ZNF782: variants seen among roughly 807,000 people sequenced by gnomAD.
ZNF782 encodes zinc finger protein 782.
Under a neutral mutation model 13.0 loss-of-function variants are expected in ZNF782, and 12 were observed. The ratio of observed to expected loss-of-function variants is 0.92; its 90% CI spans 0.59 to 1.50. The LOEUF is 1.50. Among genes scored for constraint, ZNF782 ranks in the 40% most tolerant of loss-of-function variants. The pLI is 0.00. For synonymous variants in ZNF782, 284 were observed against 283.0 expected, an observed-to-expected ratio of 1.00 and a Z score of -0.04; for missense variants, 770 against 822.9, an observed-to-expected ratio of 0.94 and a Z score of 0.79.
intron 1 of ZNF782, among the ~76,000 whole-genome samples, chr9:96,872,419 T>C (rs903461136): frequency 6.6e-6 from 1 of 151,804 alleles, no homozygotes; most frequent in African/African-American, 2.4e-5. Flanking sequence ...TAATCCCAGC[T>C]ACTTTGGAGG....
At chr9:96,863,507 A>G (rs563358628) in intron 1 of ZNF782, among the ~76,000 whole-genome samples, 18 of 152,350 alleles carry the variant, frequency 1.2e-4, no homozygotes, top group African/African-American at 2.6e-4. Context: ...GCAATCTCTC[A>G]CTACTGGGTA....
the ZNF782 span, chr9:96,894,577 T>G: frequency 6.6e-6 from 1 of 152,174 alleles, no homozygotes; most frequent in Non-Finnish European, 1.5e-5. Flanking sequence ...CCAAACTGTA[T>G]TCAGAGTTGA....
chr9:96,931,183 C>A, the ZNF782 span, among the ~76,000 whole-genome samples: 821 of 152,124 alleles, frequency 5.4e-3, 6 homozygotes, highest in South Asian at 7.9e-3. Flanking sequence ...CCAGCATGCC[C>A]GGCCTATCCA....
intron 1 of ZNF782, among the ~76,000 whole-genome samples, chr9:96,853,333 C>G (rs548443790): frequency 6.6e-6 from 1 of 152,300 alleles, no homozygotes; most frequent in Non-Finnish European, 1.5e-5. Context: ...CCATACACAT[C>G]TAGGATCTGC....
At chr9:96,845,893 T>C (rs763585698) in intron 3 of ZNF782, among the ~76,000 whole-genome samples, 3 of 152,194 alleles carry the variant, frequency 2.0e-5, no homozygotes, top group South Asian at 2.1e-4. Context: ...CCAAAGCATA[T>C]AGTCATCAGG....
intron 1 of ZNF782, among the ~76,000 whole-genome samples, chr9:96,871,001 CT>C (rs1851819020): frequency 6.6e-6 from 1 of 152,194 alleles, no homozygotes; most frequent in Non-Finnish European, 1.5e-5. Flanking sequence ...TGATTATCTA[CT>C]TTTATTAGGG....
intron 1 of ZNF782, among the ~76,000 whole-genome samples, chr9:96,869,475 G>A (rs1851799086): frequency 6.6e-6 from 1 of 152,152 alleles, no homozygotes; most frequent in Non-Finnish European, 1.5e-5. Flanking sequence ...CCACAGTGCA[G>A]TGAGTCCCAT....
upstream of ZNF782, among the ~76,000 whole-genome samples, chr9:96,879,839 TC>T (rs1851941044): frequency 6.6e-6 from 1 of 152,258 alleles, no homozygotes. Context: ...CATTCTGTGA[TC>T]TTGCTTAACT....
intron 4 of ZNF782, among the ~76,000 whole-genome samples, chr9:96,829,210 TATAGAG>T (rs1191090551): frequency 1.3e-5 from 2 of 151,736 alleles, no homozygotes; most frequent in Non-Finnish European, 2.9e-5. Context: ...TAAAAAAATT[TATAGAG>T]ATAAAGAGCA....
At chr9:96,858,686 A>G (rs752773462), upstream of ZNF782, among the ~76,000 whole-genome samples, 3 of 152,134 alleles carry the variant, frequency 2.0e-5, no homozygotes, top group Non-Finnish European at 4.4e-5. The surrounding 1 kb of genome is among the most constrained non-coding windows in gnomAD (Gnocchi z 4.4). Flanking sequence ...CGTGACAGGC[A>G]GTGGCGCGAG....
intron 4 of ZNF782, among the ~76,000 whole-genome samples, chr9:96,832,328 A>G (rs893240161): frequency 5.9e-5 from 9 of 152,214 alleles, no homozygotes; most frequent in African/African-American, 9.6e-5. Context: ...TACATTGAGA[A>G]GCACATCAGA....
the ZNF782 span, among the ~76,000 whole-genome samples, chr9:96,880,903 T>G: frequency 6.6e-6 from 1 of 152,176 alleles, no homozygotes; most frequent in African/African-American, 2.4e-5. Context: ...AAGGAAGACA[T>G]CTATGCCTGG....
rs754567352 is a variant in ZNF782 at position 96,819,404 on chromosome 9, T to A, written c.619A>T (p.Thr207Ser). The part of the protein sequence containing the change: ...HHKEEVIQHQ[T>S]IQTLGQDFEY... ...AAATCTTGCCCCAGAGTCTGAATTG[T>A]CTGATGTTGAATAACTTCCTCCTTA... Residue 207 changes from threonine (T) to serine (S), a missense_variant, in exon 6 of 6, where the codon ACA becomes TCA. Transcript: ENST00000481138. 4 of 1,609,808 alleles carry A rather than the reference T, an allele frequency of 2.5e-6. No individual in the cohort carries two copies. The highest frequency in any genetic ancestry group is 1.1e-5 in the South Asian group (1 of 89,862).
intron 4 of ZNF782, among the ~76,000 whole-genome samples, chr9:96,839,962 T>C (rs1273133352): frequency 6.6e-6 from 1 of 152,204 alleles, no homozygotes; most frequent in Non-Finnish European, 1.5e-5. Flanking sequence ...TTACAAACAA[T>C]GCTGCAATGA....
chr9:96,839,964 C>T (rs1198018488), intron 4 of ZNF782, among the ~76,000 whole-genome samples: 1 of 152,142 alleles, frequency 6.6e-6, no homozygotes, highest in Non-Finnish European at 1.5e-5. Context: ...ACAAACAATG[C>T]TGCAATGAAT....
the ZNF782 span, chr9:96,889,396 A>C: frequency 6.7e-6 from 1 of 149,666 alleles, no homozygotes; most frequent in Non-Finnish European, 1.5e-5. Flanking sequence ...TGGTATCCCA[A>C]AACTAATTTT....
chr9:96,883,432 G>C, the ZNF782 span, among the ~76,000 whole-genome samples: 2 of 151,832 alleles, frequency 1.3e-5, no homozygotes, highest in Admixed American at 1.3e-4. Flanking sequence ...CCCTTTTAGG[G>C]CAGGGACCTA....
chr9:96,855,045 T>G (rs1387119185), upstream of ZNF782, among the ~76,000 whole-genome samples: 3 of 152,334 alleles, frequency 2.0e-5, no homozygotes, highest in East Asian at 5.8e-4. Flanking sequence ...ACCCGACCCA[T>G]TGACCTGTGA....
the ZNF782 span, among the ~76,000 whole-genome samples, chr9:96,930,041 C>T: frequency 2.0e-5 from 3 of 152,244 alleles, no homozygotes; most frequent in East Asian, 5.8e-4. Context: ...TCCCTTATTC[C>T]CCTTGGCTAG....
Sources: allele counts gnomAD v4.1 joint callset (sites outside exome capture counted in the v4.1 genomes callset), GRCh38; gene constraint gnomAD v4.1.1; non-coding constraint Gnocchi (gnomAD v3.1); transcripts MANE v1.5; gene names NCBI Gene and HGNC (gene_info 2026-07-23, HGNC 2026-07-21).